RASSF3: variants seen among roughly 807,000 people sequenced by gnomAD.
The protein encoded by RASSF3 is ras association domain-containing protein 3.
In RASSF3, 19 loss-of-function variants were observed where a neutral mutation model predicts 19.9. The observed-to-expected ratio is 0.96, with a 90% CI of 0.67 to 1.40. The LOEUF (loss-of-function observed/expected upper bound fraction) is 1.40. RASSF3 is among the 40% of genes most tolerant of loss of function. The probability of loss-of-function intolerance (pLI) is 0.00; values close to 1 mark genes in which losing one functional copy is unlikely to be tolerated. For synonymous variants in RASSF3, 110 were observed against 104.2 expected, an observed-to-expected ratio of 1.06 and a Z score of -0.34; for missense variants, 306 against 289.8, an observed-to-expected ratio of 1.06 and a Z score of -0.41.
intron 1 of RASSF3, among the ~76,000 whole-genome samples, chr12:64,540,517 C>T (rs1018238880): frequency 2.0e-5 from 3 of 152,044 alleles, no homozygotes; most frequent in Non-Finnish European, 2.9e-5. Context: ...TTATTTATAA[C>T]AGCCAAAGAG....
At chr12:64,689,409 G>A (rs1873489659) in intron 3 of RASSF3, among the ~76,000 whole-genome samples, 1 of 152,046 alleles carries the variant, frequency 6.6e-6, no homozygotes. Flanking sequence ...AACAAACCAT[G>A]GGGCTAGACC....
At chr12:64,678,513 G>GC (rs1379692246) in intron 1 of RASSF3, among the ~76,000 whole-genome samples, 3 of 152,132 alleles carry the variant, frequency 2.0e-5, no homozygotes, top group African/African-American at 4.8e-5. Flanking sequence ...TGAGTGTCAT[G>GC]CCACTGGCAT....
intron 2 of RASSF3, among the ~76,000 whole-genome samples, chr12:64,556,438 G>T (rs1869257631): frequency 1.3e-5 from 2 of 152,068 alleles, no homozygotes; most frequent in South Asian, 4.1e-4. Context: ...GATTACAGGG[G>T]TGTAATCCTG....
chr12:64,684,151 A>G (rs1873247023), intron 1 of RASSF3, among the ~76,000 whole-genome samples: 1 of 150,364 alleles, frequency 6.7e-6, no homozygotes, highest in Non-Finnish European at 1.5e-5. Context: ...TAGTGGCATA[A>G]TTATGGCTCA....
exon 1 of RASSF3, chr12:64,507,203 G>A (rs1031019716): frequency 6.0e-5 from 24 of 398,582 alleles, no homozygotes; most frequent in African/African-American, 3.3e-4. Flanking sequence ...CCTGGTTCTC[G>A]CTATGGCCAT....
chr12:64,588,423 G>T (rs532238459), intron 2 of RASSF3, among the ~76,000 whole-genome samples: 1 of 151,996 alleles, frequency 6.6e-6, no homozygotes, highest in Non-Finnish European at 1.5e-5. Context: ...GGTGGCTCAC[G>T]CCTGTAATCC....
At chr12:64,647,280 ACT>A (rs1367603179) in intron 1 of RASSF3, among the ~76,000 whole-genome samples, 1 of 151,612 alleles carries the variant, frequency 6.6e-6, no homozygotes, top group African/African-American at 2.4e-5. Context: ...ACAGAGCCTC[ACT>A]CTGTCACCAA....
At chr12:64,686,883 A>G (rs1271218448) in intron 2 of RASSF3, among the ~76,000 whole-genome samples, 1 of 152,244 alleles carries the variant, frequency 6.6e-6, no homozygotes, top group Non-Finnish European at 1.5e-5. Flanking sequence ...GAAGGAAGAA[A>G]AATAACACAC....
chr12:64,684,613 TAG>T (rs1873274838), intron 1 of RASSF3, among the ~76,000 whole-genome samples, 172 bp from the exon 2 acceptor site: 1 of 151,906 alleles, frequency 6.6e-6, no homozygotes, highest in South Asian at 2.1e-4. Context: ...GTAATTTTAG[TAG>T]AGACAGGGTT....
chr12:64,628,996 G>A (rs1005461923), intron 1 of RASSF3, among the ~76,000 whole-genome samples: 2 of 151,766 alleles, frequency 1.3e-5, no homozygotes, highest in African/African-American at 4.8e-5. Flanking sequence ...GTGCAGTGGC[G>A]TGAACACAGC....
At chr12:64,583,146 T>G (rs1869732455) in intron 2 of RASSF3, among the ~76,000 whole-genome samples, 1 of 152,182 alleles carries the variant, frequency 6.6e-6, no homozygotes, top group African/African-American at 2.4e-5. Flanking sequence ...ACCCTTCACA[T>G]GACACAAAGT....
At chr12:64,625,943 G>T (rs2701849) in intron 1 of RASSF3, among the ~76,000 whole-genome samples, 44,095 of 151,970 alleles carry the variant, frequency 0.29, 6,992 homozygotes, top group Non-Finnish European at 0.37. Flanking sequence ...GGAACCCGGT[G>T]GGAAACCTCT....
At chr12:64,644,311 A>G (rs1004782427) in intron 1 of RASSF3, among the ~76,000 whole-genome samples, 2 of 152,166 alleles carry the variant, frequency 1.3e-5, no homozygotes, top group Non-Finnish European at 2.9e-5. Flanking sequence ...CCTAGAGCGT[A>G]GCTTGAATTG....
At chr12:64,573,917 C>T (rs1186044282) in intron 2 of RASSF3, among the ~76,000 whole-genome samples, 1 of 152,156 alleles carries the variant, frequency 6.6e-6, no homozygotes, top group Non-Finnish European at 1.5e-5. Flanking sequence ...CTGCCCACCA[C>T]AGCAAGGTTA....
At chr12:64,590,643 T>C (rs901901713) in intron 2 of RASSF3, among the ~76,000 whole-genome samples, 29 of 152,238 alleles carry the variant, frequency 1.9e-4, no homozygotes, top group Non-Finnish European at 3.5e-4. Flanking sequence ...AAAATATGAA[T>C]TCTAATCTCA....
Position 64,688,296 on chromosome 12 carries a change from A to G in RASSF3, c.300A>G (p.Gly100=). Residue 100 remains glycine, a synonymous_variant, in exon 3 of 5, where the codon GGA becomes GGG. Transcript: ENST00000542104. ...CKPPQTSPNS[G]KLSPSSNGCM... The stretch of plus-strand genomic sequence containing the variant: ...CTCCACAGACTTCTCCAAATTCTGG[A>G]AAACTCTCTCCCAGTAGCAATGGCT... The G allele has an allele frequency of 6.2e-7, 1 of 1,614,148 alleles. No individual in the cohort carries two copies. Among genetic ancestry groups the G allele is most frequent in the Non-Finnish European group, 8.5e-7 (1 of 1,179,980 alleles).
chr12:64,521,299 C>T (rs1307919492), intron 1 of RASSF3, among the ~76,000 whole-genome samples: 10 of 152,154 alleles, frequency 6.6e-5, no homozygotes, highest in African/African-American at 2.4e-4. Context: ...GAAATCCATC[C>T]CCACTCCTTG....
At chr12:64,611,376 A>G (rs1870359655) in intron 1 of RASSF3, 1 of 152,268 alleles carries the variant, frequency 6.6e-6, no homozygotes, top group African/African-American at 2.4e-5. Flanking sequence ...ACAAGCTCCT[A>G]TGCTAAATAC....
At chr12:64,602,674 C>G (rs983099752) in intron 2 of RASSF3, among the ~76,000 whole-genome samples, 4 of 151,864 alleles carry the variant, frequency 2.6e-5, no homozygotes, top group Non-Finnish European at 4.4e-5. Context: ...CACGCTGAGC[C>G]CAGGAGTTCG....
Sources: gnomAD v4.1 joint callset for allele counts (sites outside exome capture counted in the v4.1 genomes callset) on GRCh38, gnomAD v4.1.1 for gene constraint, MANE v1.5 for transcripts, NCBI Gene and HGNC (gene_info 2026-07-23, HGNC 2026-07-21) for gene names.